Variants in RNF217 observed in about 807,000 individuals in gnomAD.
The protein encoded by RNF217 is E3 ubiquitin-protein ligase RNF217.
A neutral mutation model predicts 57.8 loss-of-function variants in RNF217; 31 were observed. The observed-to-expected ratio is 0.54, with a 90% CI of 0.40 to 0.72. RNF217 has a LOEUF of 0.72. Ranked by LOEUF, RNF217 falls within the 30% of genes least tolerant of loss-of-function variation. The pLI is 0.00. For missense variants in RNF217, 696 were observed against 708.3 expected (o/e 0.98, Z 0.20); for synonymous variants, 313 against 294.0 (o/e 1.06, Z -0.66).
intron 3 of RNF217, among the ~76,000 whole-genome samples, chr6:125,070,269 G>T (rs1788086536): frequency 6.6e-6 from 1 of 152,152 alleles, no homozygotes; most frequent in Non-Finnish European, 1.5e-5. Flanking sequence ...TGGGTACTTA[G>T]ATTGGTTCCA....
intron 1 of RNF217, among the ~76,000 whole-genome samples, chr6:125,017,799 G>A (rs1294480061): frequency 2.0e-5 from 3 of 152,008 alleles, no homozygotes; most frequent in East Asian, 3.9e-4. Context: ...TTCAAACTGT[G>A]TTCAGTAGTT....
At chr6:125,034,202 G>A (rs914381005) in intron 1 of RNF217, among the ~76,000 whole-genome samples, 1 of 152,032 alleles carries the variant, frequency 6.6e-6, no homozygotes, top group African/African-American at 2.4e-5. Context: ...TAGTTTAATT[G>A]GAGCCCATTT....
chr6:125,086,879 T>G lies in RNF217; in HGVS notation c.*3942T>G, dbSNP rs1188847072. 1 of 152,050 alleles carries G rather than the reference T, an allele frequency of 6.6e-6. No homozygotes were observed. Among genetic ancestry groups the G allele is most frequent in the Non-Finnish European group, 1.5e-5 (1 of 67,982 alleles). The allele number at this position is 152,050 out of a possible 1,614,324, so 9.4% of individuals were successfully genotyped here. ...TCTGTGACTCTGACTATCTCTTGAG[T>G]CCCAAGGCTCCAATTGAGCCTTTAT... On this transcript the variant is annotated 3_prime_UTR_variant, in exon 6 of 6. Transcript: ENST00000521654.
intron 1 of RNF217, among the ~76,000 whole-genome samples, chr6:124,999,458 C>T (rs1040823045): frequency 2.0e-5 from 3 of 148,774 alleles, no homozygotes; most frequent in African/African-American, 7.4e-5. Context: ...TGATCTTTAC[C>T]TTTTTTTTTT....
chr6:125,009,168 T>G (rs1053854603), intron 1 of RNF217: 6 of 1,525,748 alleles, frequency 3.9e-6, no homozygotes, highest in Non-Finnish European at 5.3e-6. Context: ...CTTCTCATAT[T>G]CATAGGTCCA....
intron 1 of RNF217, among the ~76,000 whole-genome samples, chr6:124,995,683 A>C (rs895795764): frequency 7.9e-5 from 12 of 152,252 alleles, no homozygotes; most frequent in Middle Eastern, 3.4e-3. Flanking sequence ...GCACTTTGGG[A>C]GGTCGAGGTG....
intron 1 of RNF217, among the ~76,000 whole-genome samples, chr6:125,005,206 G>A (rs1785133609): frequency 6.6e-6 from 1 of 152,146 alleles, no homozygotes; most frequent in African/African-American, 2.4e-5. Flanking sequence ...ACCATAACAG[G>A]CCTGTATGTT....
chr6:125,042,024 T>A (rs1197946467), intron 1 of RNF217, among the ~76,000 whole-genome samples: 4 of 152,148 alleles, frequency 2.6e-5, no homozygotes, highest in Non-Finnish European at 5.9e-5. Flanking sequence ...CTTGAATTGA[T>A]GAAATACATA....
At chr6:124,973,443 C>T (rs1445969680) in intron 1 of RNF217, among the ~76,000 whole-genome samples, 1 of 152,074 alleles carries the variant, frequency 6.6e-6, no homozygotes, top group Non-Finnish European at 1.5e-5. Flanking sequence ...TGTTTATTAC[C>T]TTGGTTCTCC....
chr6:125,010,737 A>G (rs1785383622), intron 1 of RNF217, among the ~76,000 whole-genome samples: 1 of 152,150 alleles, frequency 6.6e-6, no homozygotes, highest in Non-Finnish European at 1.5e-5. Context: ...CTACTACCCT[A>G]TTACCCACAG....
chr6:125,055,746 A>AT (rs1787497380), intron 2 of RNF217, among the ~76,000 whole-genome samples: 1 of 152,046 alleles, frequency 6.6e-6, no homozygotes, highest in African/African-American at 2.4e-5. Flanking sequence ...AGGAAAAGCA[A>AT]TTTTTTTCCT....
At chr6:125,061,629 G>GT (rs1189068347) in intron 3 of RNF217, among the ~76,000 whole-genome samples, 16 of 145,574 alleles carry the variant, frequency 1.1e-4, no homozygotes, top group South Asian at 4.4e-4. Flanking sequence ...GTAGGTTTTC[G>GT]TTTTTTTTTA....
At chr6:125,074,589 G>C (rs1477491006) in intron 3 of RNF217, among the ~76,000 whole-genome samples, 1 of 151,922 alleles carries the variant, frequency 6.6e-6, no homozygotes, top group Non-Finnish European at 1.5e-5. Flanking sequence ...ATACAACAAG[G>C]TTTTATTTTA....
At chr6:125,044,109 C>T (rs1052535326) in intron 1 of RNF217, among the ~76,000 whole-genome samples, 11 of 151,822 alleles carry the variant, frequency 7.2e-5, no homozygotes, top group African/African-American at 4.8e-5. Context: ...CCCCAAACTG[C>T]GTGGCTTTCT....
chr6:124,978,339 C>T (rs765576474), intron 1 of RNF217, among the ~76,000 whole-genome samples: 1 of 151,772 alleles, frequency 6.6e-6, no homozygotes, highest in African/African-American at 2.4e-5. Flanking sequence ...TCCGCTTGTG[C>T]CCCAGACCAG....
intron 2 of RNF217, 53 bp downstream of exon 2, chr6:125,045,497 A>G: frequency 7.3e-7 from 1 of 1,376,672 alleles, no homozygotes; most frequent in Non-Finnish European, 1.0e-6. Context: ...AGAAGCAGCC[A>G]GATTAGATCC....
At chr6:124,985,800 G>A (rs1306612141) in intron 1 of RNF217, among the ~76,000 whole-genome samples, 1 of 152,056 alleles carries the variant, frequency 6.6e-6, no homozygotes, top group Admixed American at 6.6e-5. Context: ...CTCTAAGGTT[G>A]TACTTTTTAT....
Position 125,091,778 on chromosome 6 carries a change from A to G in RNF217, c.*8841A>G, listed in dbSNP as rs1271231247. 6.6e-6 allele frequency: 1 copy of G among 152,188 alleles called. No homozygotes were observed. Among genetic ancestry groups the G allele is most frequent in the Non-Finnish European group, 1.5e-5 (1 of 68,022 alleles). The allele number at this position is 152,188 out of a possible 1,614,324, so 9.4% of individuals were successfully genotyped here. On this transcript the variant is annotated 3_prime_UTR_variant, in exon 6 of 6. Coordinates refer to ENST00000521654, the MANE Select transcript of RNF217 (RefSeq NM_001286398.3). Reference sequence around the variant, plus strand: ...TTCTTGGCAATATTTTGTCAGTAATATACTTTCATACAGATGCTAGAGAAC... The same window carrying G: ...TTCTTGGCAATATTTTGTCAGTAATGTACTTTCATACAGATGCTAGAGAAC...
intron 1 of RNF217, chr6:124,996,475 T>G (rs879778207): frequency 6.6e-6 from 1 of 152,188 alleles, no homozygotes; most frequent in African/African-American, 2.4e-5. Flanking sequence ...TGTGGATATC[T>G]TCTACCAATT....
Sources: allele counts gnomAD v4.1 joint callset (sites outside exome capture counted in the v4.1 genomes callset), GRCh38; gene constraint gnomAD v4.1.1; transcripts MANE v1.5; gene names NCBI Gene and HGNC (gene_info 2026-07-23, HGNC 2026-07-21).